MACROD2: variants seen among roughly 807,000 people sequenced by gnomAD.
MACROD2 encodes the protein mono-ADP ribosylhydrolase 2, also known as ADP-ribose glycohydrolase MACROD2.
In MACROD2, 36 loss-of-function variants were observed where a neutral mutation model predicts 70.4. The ratio of observed to expected loss-of-function variants is 0.51; its 90% confidence interval spans 0.39 to 0.68. The LOEUF is 0.68. Among genes scored for constraint, MACROD2 ranks in the 30% least tolerant of loss-of-function variants. The pLI is 0.00. For synonymous variants in MACROD2, 172 were observed against 178.8 expected (o/e 0.96, Z 0.30); for missense variants, 496 against 538.4 (o/e 0.92, Z 0.78).
chr20:14,260,359 T>C (rs144418895), intron 3 of MACROD2, among the ~76,000 whole-genome samples: 33 of 152,308 alleles, frequency 2.2e-4, no homozygotes, highest in African/African-American at 7.2e-4. Flanking sequence ...CTTCATAGGA[T>C]TTCTCAGTGC....
At chr20:14,244,403 A>G (rs897062970) in intron 3 of MACROD2, among the ~76,000 whole-genome samples, 2 of 152,216 alleles carry the variant, frequency 1.3e-5, no homozygotes, top group South Asian at 2.1e-4. Flanking sequence ...AAAAACCCAT[A>G]TTCAGTAGTG....
chr20:15,312,206 A>T (rs2077760688), intron 6 of MACROD2, among the ~76,000 whole-genome samples: 1 of 152,246 alleles, frequency 6.6e-6, no homozygotes, highest in Admixed American at 6.5e-5. Flanking sequence ...ACATACTTTC[A>T]TATGGTCTTA....
chr20:14,201,300 G>C (rs1026826566), intron 3 of MACROD2, among the ~76,000 whole-genome samples: 6 of 152,138 alleles, frequency 3.9e-5, no homozygotes, highest in Admixed American at 2.6e-4. Context: ...TATGCAATCA[G>C]CTTCTTAAAT....
At chr20:15,931,894 A>G (rs1178960251) in intron 10 of MACROD2, among the ~76,000 whole-genome samples, 1 of 151,920 alleles carries the variant, frequency 6.6e-6, no homozygotes, top group Non-Finnish European at 1.5e-5. Flanking sequence ...ATGCTTCCCC[A>G]CTGCTTCTGA....
intron 7 of MACROD2, among the ~76,000 whole-genome samples, chr20:15,455,775 G>C (rs543602052): frequency 2.0e-5 from 3 of 152,026 alleles, no homozygotes; most frequent in African/African-American, 7.2e-5. Context: ...CTATTGTAAC[G>C]TCTGTGCTCG....
chr20:14,399,618 G>A (rs1336621961), intron 3 of MACROD2, among the ~76,000 whole-genome samples: 1 of 152,040 alleles, frequency 6.6e-6, no homozygotes, highest in Non-Finnish European at 1.5e-5. Context: ...CATGAAATTT[G>A]AACATTTTTC....
intron 2 of MACROD2, among the ~76,000 whole-genome samples, chr20:14,025,190 G>C (rs532748635): frequency 6.6e-6 from 1 of 152,126 alleles, no homozygotes; most frequent in Non-Finnish European, 1.5e-5. Context: ...ATAGTAGTTT[G>C]TATTTCTGTG....
At chr20:14,361,564 A>G (rs1369662602) in intron 3 of MACROD2, among the ~76,000 whole-genome samples, 1 of 152,234 alleles carries the variant, frequency 6.6e-6, no homozygotes, top group East Asian at 1.9e-4. Context: ...TAAAAGCTCA[A>G]ACTTCAAAAT....
chr20:14,338,050 T>A (rs2082969736), intron 3 of MACROD2, among the ~76,000 whole-genome samples: 1 of 152,232 alleles, frequency 6.6e-6, no homozygotes. Flanking sequence ...GGAAGATGTA[T>A]GCCAGTAATC....
intron 3 of MACROD2, among the ~76,000 whole-genome samples, chr20:14,356,826 A>C (rs1601524031): frequency 6.6e-6 from 1 of 151,948 alleles, no homozygotes; most frequent in Admixed American, 6.5e-5. Context: ...CTTTCAAGAG[A>C]CCTCACGCAC....
intron 5 of MACROD2, among the ~76,000 whole-genome samples, chr20:15,099,401 A>T (rs1052136350): frequency 2.6e-5 from 4 of 152,148 alleles, no homozygotes; most frequent in African/African-American, 9.7e-5. Flanking sequence ...CTCTCTCTCC[A>T]CACACCTGCA....
At chr20:15,257,837 T>C (rs963502081) in intron 6 of MACROD2, among the ~76,000 whole-genome samples, 1 of 152,100 alleles carries the variant, frequency 6.6e-6, no homozygotes, top group Non-Finnish European at 1.5e-5. Flanking sequence ...TAAAACAGTC[T>C]CAGGCAGTTC....
chr20:14,916,604 AATAG>A (rs1244181461), intron 5 of MACROD2, among the ~76,000 whole-genome samples: 1 of 152,194 alleles, frequency 6.6e-6, no homozygotes, highest in East Asian at 1.9e-4. Context: ...TAAAAAATAA[AATAG>A]ATATGTGAGT....
chr20:14,162,411 A>G (rs1265644455), intron 3 of MACROD2, among the ~76,000 whole-genome samples: 1 of 152,142 alleles, frequency 6.6e-6, no homozygotes, highest in East Asian at 1.9e-4. Context: ...CTTTAAATCC[A>G]ATGTTTCTTT....
chr20:14,272,469 T>G (rs2082205153), intron 3 of MACROD2, among the ~76,000 whole-genome samples: 3 of 151,764 alleles, frequency 2.0e-5, no homozygotes, highest in African/African-American at 7.3e-5. Flanking sequence ...CCACCAGGCC[T>G]GCCCTAAAAG....
intron 4 of MACROD2, among the ~76,000 whole-genome samples, chr20:14,593,425 T>C (rs11906789): frequency 0.06 from 9,096 of 152,234 alleles, 910 homozygotes; most frequent in African/African-American, 0.21. Context: ...ATAATTAGCA[T>C]ACTCAGTAGT....
intron 3 of MACROD2, among the ~76,000 whole-genome samples, chr20:14,396,184 G>C (rs2083577874): frequency 1.3e-5 from 2 of 152,316 alleles, no homozygotes; most frequent in South Asian, 4.1e-4. Flanking sequence ...ATGTGCACTT[G>C]AAAAACATTT....
intron 5 of MACROD2, among the ~76,000 whole-genome samples, chr20:14,697,126 G>T (rs1178763231): frequency 6.6e-6 from 1 of 152,146 alleles, no homozygotes; most frequent in Non-Finnish European, 1.5e-5. Flanking sequence ...GGGCACTGGG[G>T]ATTCCCCAGG....
At chr20:14,307,852 A>T (rs761117133) in intron 3 of MACROD2, among the ~76,000 whole-genome samples, 10 of 152,050 alleles carry the variant, frequency 6.6e-5, no homozygotes, top group Non-Finnish European at 1.5e-4. Context: ...ATCTCAGAGG[A>T]TGTCCTTGAT....
Sources: gnomAD v4.1 joint callset for allele counts (sites outside exome capture counted in the v4.1 genomes callset) on GRCh38, gnomAD v4.1.1 for gene constraint, MANE v1.5 for transcripts, NCBI Gene and HGNC (gene_info 2026-07-23, HGNC 2026-07-21) for gene names.